VPS8: variants seen among roughly 807,000 people sequenced by gnomAD.
VPS8 encodes the protein vacuolar protein sorting-associated protein 8 homolog.
VPS8 carries 129 observed loss-of-function variants against 216.4 expected under a neutral mutation model. The observed-to-expected ratio is 0.60, with a 90% CI of 0.52 to 0.69. The LOEUF is 0.69. VPS8 is among the 30% of genes least tolerant of loss of function. VPS8 has a pLI of 0.00. For missense variants in VPS8, 1,531 were observed against 1,683.5 expected, an observed-to-expected ratio of 0.91 and a Z score of 1.59; for synonymous variants, 571 against 565.4, an observed-to-expected ratio of 1.01 and a Z score of -0.14.
At chr3:184,963,969 A>G (rs934431160) in intron 37 of VPS8, among the ~76,000 whole-genome samples, 1 of 152,054 alleles carries the variant, frequency 6.6e-6, no homozygotes, top group African/African-American at 2.4e-5. Context: ...AAAAAGCTAC[A>G]GTGGAGTTTG....
chr3:185,043,316 T>C (rs1712105646), intron 46 of VPS8, among the ~76,000 whole-genome samples: 2 of 152,180 alleles, frequency 1.3e-5, no homozygotes, highest in East Asian at 3.8e-4. Flanking sequence ...TGGGCTAATG[T>C]ATACATTAAA....
chr3:185,048,643 C>G (rs1713492442), intron 47 of VPS8, 84 bp downstream of exon 47: 1 of 1,477,072 alleles, frequency 6.8e-7, no homozygotes, highest in Non-Finnish European at 9.3e-7. Context: ...GAACCTCCCT[C>G]TAGCCTCCTT....
intron 46 of VPS8, among the ~76,000 whole-genome samples, chr3:185,030,114 C>T (rs747273838): frequency 8.5e-5 from 13 of 152,122 alleles, no homozygotes; most frequent in South Asian, 6.2e-4. Flanking sequence ...AGATAAAAAT[C>T]GACATAAAAC....
At chr3:184,824,505 G>GTGTTT (rs373604484) in intron 1 of VPS8, 40 bp from the exon 2 acceptor site, 2 of 947,880 alleles carry the variant, frequency 2.1e-6, no homozygotes, top group African/African-American at 1.7e-5. Flanking sequence ...CTAAATGATA[G>GTGTTT]TGTTTTGTTT....
chr3:184,860,435 GTA>G (rs1242220647), intron 15 of VPS8, among the ~76,000 whole-genome samples: 6 of 144,798 alleles, frequency 4.1e-5, no homozygotes, highest in South Asian at 2.2e-4. Flanking sequence ...ATATATGTGT[GTA>G]TATATATGTA....
chr3:184,892,837 C>T (rs1259925919), intron 22 of VPS8, among the ~76,000 whole-genome samples: 1 of 152,134 alleles, frequency 6.6e-6, no homozygotes, highest in African/African-American at 2.4e-5. Flanking sequence ...TTGTACTAAA[C>T]TAAAATATAT....
At chr3:184,867,574 G>A (rs1047303926) in intron 17 of VPS8, among the ~76,000 whole-genome samples, 6 of 152,220 alleles carry the variant, frequency 3.9e-5, no homozygotes, top group East Asian at 3.9e-4. Flanking sequence ...GGCCAGATGC[G>A]TTGCCTCACA....
At chr3:184,904,157 A>G (rs1010637063) in intron 25 of VPS8, among the ~76,000 whole-genome samples, 1 of 152,194 alleles carries the variant, frequency 6.6e-6, no homozygotes, top group African/African-American at 2.4e-5. Flanking sequence ...TAAGGAAAAT[A>G]TAGATGTCTT....
intron 37 of VPS8, among the ~76,000 whole-genome samples, chr3:184,958,411 G>A (rs1274163725): frequency 2.6e-5 from 4 of 152,168 alleles, no homozygotes; most frequent in Non-Finnish European, 2.9e-5. Flanking sequence ...GTTAATGTTT[G>A]GAGCAGTCTC....
intron 8 of VPS8, among the ~76,000 whole-genome samples, chr3:184,845,785 G>T (rs535986839): frequency 6.6e-6 from 1 of 150,766 alleles, no homozygotes; most frequent in South Asian, 2.1e-4. Context: ...ATGTATGAAG[G>T]TACCAATAAG....
At chr3:184,974,228 A>G (rs1748891816) in intron 40 of VPS8, among the ~76,000 whole-genome samples, 1 of 152,148 alleles carries the variant, frequency 6.6e-6, no homozygotes, top group African/African-American at 2.4e-5. Flanking sequence ...GATCTTTTCT[A>G]TCATAGCTGT....
chr3:184,907,879 G>A (rs1289761836), intron 25 of VPS8, among the ~76,000 whole-genome samples: 1 of 152,162 alleles, frequency 6.6e-6, no homozygotes, highest in Non-Finnish European at 1.5e-5. Context: ...TGCTTGCACA[G>A]AGCTGCAAAG....
intron 9 of VPS8, 47 bp from the exon 10 acceptor site, chr3:184,849,889 A>G (rs1386770886): frequency 2.0e-5 from 30 of 1,492,124 alleles, no homozygotes; most frequent in Non-Finnish European, 2.8e-5. Flanking sequence ...CTTAAGTCCA[A>G]AAAAAGAGCA....
intron 24 of VPS8, 25 bp downstream of exon 24, chr3:184,898,679 C>T (rs368036532): frequency 3.5e-5 from 52 of 1,495,552 alleles, no homozygotes; most frequent in Non-Finnish European, 4.0e-5. Flanking sequence ...AACTTGGATA[C>T]GTAATTAATT....
chr3:185,009,244 G>A (rs1235728776), intron 45 of VPS8, among the ~76,000 whole-genome samples: 1 of 152,078 alleles, frequency 6.6e-6, no homozygotes, highest in Non-Finnish European at 1.5e-5. Flanking sequence ...GGAAATATGA[G>A]ATAAGGACAT....
chr3:184,957,428 G>A lies in VPS8; in HGVS notation c.3090G>A (p.Glu1030=). The A allele has an allele frequency of 1.2e-6, 2 of 1,612,430 alleles. No individual in the cohort carries two copies. Among genetic ancestry groups the A allele is most frequent in the Non-Finnish European group, 1.7e-6 (2 of 1,179,208 alleles). Residue 1030 remains glutamate, a synonymous_variant, in exon 37 of 48, where the codon GAG becomes GAA. Coordinates refer to ENST00000625842, the MANE Select transcript of VPS8 (RefSeq NM_001009921.3). ...ELLQISPCIT[E]QFIELLCQFN... is the part of the protein sequence containing the mutation. Reference sequence around the variant, plus strand: ...TGCAAATATCTCCTTGTATCACAGAGCAGTTCATTGAGCTGTTGTGTCAGT... The same window carrying A: ...TGCAAATATCTCCTTGTATCACAGAACAGTTCATTGAGCTGTTGTGTCAGT...
intron 10 of VPS8, among the ~76,000 whole-genome samples, chr3:184,851,333 T>C (rs1724211652): frequency 6.6e-6 from 1 of 152,116 alleles, no homozygotes. Context: ...GTAAGACACA[T>C]AGGATTGAAT....
chr3:184,854,076 TC>T lies in VPS8; in HGVS notation c.976-36del, dbSNP rs758451225. The T allele has an allele frequency of 4.3e-6, 7 of 1,612,814 alleles. No homozygotes were observed. In the African/African-American group the frequency reaches 9.3e-5, roughly 21 times the overall value. ...CTTTGAATACCAAATATTTGAAAAT[TC>T]CAAGGTCAATATTGAAAACATATTT... On this transcript the variant is annotated intron_variant, in intron 12 of 47. Transcript: ENST00000625842.
Position 185,012,949 on chromosome 3 carries a change from GA to G in VPS8, c.4003-11386del, listed in dbSNP as rs1321664108. Among the ~76,000 whole-genome samples the G allele has an allele frequency of 1.9e-3, 296 of 152,274 alleles. 1 individual carries two copies. Among genetic ancestry groups the G allele is most frequent in the African/African-American group, 6.4e-3 (265 of 41,538 alleles). ...ATAAGTATTGTTTCTATAGATTATAGATTAGCTAAAAGCATTTCCTACGGGA... is the reference window on the plus strand; with the variant it reads ...ATAAGTATTGTTTCTATAGATTATAGTTAGCTAAAAGCATTTCCTACGGGA... On this transcript the variant is annotated intron_variant, in intron 45 of 47. Coordinates refer to ENST00000625842, the MANE Select transcript of VPS8 (RefSeq NM_001009921.3).
Sources: gnomAD v4.1 joint callset for allele counts (sites outside exome capture counted in the v4.1 genomes callset) on GRCh38, gnomAD v4.1.1 for gene constraint, MANE v1.5 for transcripts, NCBI Gene and HGNC (gene_info 2026-07-23, HGNC 2026-07-21) for gene names.